PDZD7: variants seen among roughly 807,000 people sequenced by gnomAD.
PDZD7 encodes PDZ domain containing 7.
PDZD7 carries 72 observed loss-of-function variants against 84.7 expected under a neutral mutation model. That is an observed-to-expected ratio of 0.85 (90% CI 0.70 to 1.03). PDZD7 has a LOEUF of 1.03. Ranked by LOEUF, PDZD7 falls within the 50% of genes least tolerant of loss-of-function variation. The probability of loss-of-function intolerance (pLI) is 0.00; values close to 1 mark genes in which losing one functional copy is unlikely to be tolerated. For missense variants in PDZD7, 1,490 were observed against 1,412.9 expected (o/e 1.05, Z -0.87); for synonymous variants, 594 against 580.7 (o/e 1.02, Z -0.33).
intron 11 of PDZD7, among the ~76,000 whole-genome samples, chr10:101,015,021 A>G (rs1852549491): frequency 6.6e-6 from 1 of 152,212 alleles, no homozygotes; most frequent in South Asian, 2.1e-4. Context: ...GGTGGGCCCC[A>G]GAGACTCCTT....
Position 101,010,516 on chromosome 10 carries a change from A to T in PDZD7, c.2373T>A (p.Ser791=). Residue 791 remains serine (S), a synonymous_variant, in exon 15 of 17, where the codon TCT becomes TCA. Coordinates refer to ENST00000619208, the MANE Select transcript of PDZD7 (RefSeq NM_001195263.2). ...CCGGGGATGGGGAGCGTCTACCTGGAGACTTGCCTTGACCCCGGCTGCTGC... is the reference window on the plus strand; with the variant it reads ...CCGGGGATGGGGAGCGTCTACCTGGTGACTTGCCTTGACCCCGGCTGCTGC... ...RSRSSRGQGK[S]PGRRSPSPVP... 2 of 1,532,402 alleles carry T rather than the reference A, an allele frequency of 1.3e-6. No individual in the cohort carries two copies. Among genetic ancestry groups the T allele is most frequent in the Non-Finnish European group, 1.7e-6 (2 of 1,144,346 alleles). 94.9% of individuals were successfully genotyped at this position (1,532,402 alleles called of 1,614,324 possible). A position where few individuals can be genotyped will look rare whatever the true frequency, so the allele number is the denominator to read the frequency against.
chr10:101,025,874 G>T (rs904572384), intron 2 of PDZD7, among the ~76,000 whole-genome samples: 1 of 152,122 alleles, frequency 6.6e-6, no homozygotes, highest in East Asian at 1.9e-4. Context: ...AAGACAGATA[G>T]TAAGCCTCCC....
rs747577169 is a variant in PDZD7, at chr10:101,030,318, G to A, written c.-99C>T. 16 of 1,049,768 alleles carry A rather than the reference G, an allele frequency of 1.5e-5. No homozygotes were observed. The South Asian group carries it at 2.2e-4, about 14-fold the overall frequency. 65.0% of individuals were successfully genotyped at this position (1,049,768 alleles called of 1,614,324 possible). The stretch of plus-strand genomic sequence containing the variant: ...CTTCGAGCTCCATGAGCCTCTGTGC[G>A]GGGCTGGGGTCTCAGTAACGTGAAG... On this transcript the variant is annotated 5_prime_UTR_variant, in exon 2 of 17. Transcript: ENST00000619208.
chr10:101,012,632 A>G (rs1852438279), intron 11 of PDZD7, among the ~76,000 whole-genome samples: 1 of 152,326 alleles, frequency 6.6e-6, no homozygotes, highest in Admixed American at 6.5e-5. Flanking sequence ...CACACAGATA[A>G]GGAAGTGTGA....
At chr10:101,013,690 T>C (rs886641749) in intron 11 of PDZD7, among the ~76,000 whole-genome samples, 2 of 152,158 alleles carry the variant, frequency 1.3e-5, no homozygotes, top group Admixed American at 1.3e-4. Context: ...TATAAACCTA[T>C]GCGGCGGCCG....
chr10:101,027,836 TA>T (rs1463259758), intron 2 of PDZD7, among the ~76,000 whole-genome samples: 2 of 152,206 alleles, frequency 1.3e-5, no homozygotes, highest in Non-Finnish European at 2.9e-5. Flanking sequence ...ATTTGATAGG[TA>T]TTTTTTTTGA....
At position 101,030,396 on chromosome 10, in the gene PDZD7, G is replaced by A. The variant is rs1241019521; in HGVS notation, c.-165-12C>T. ...TGTGAGCTCCAGGCCTGGGCAGGGA[G>A]AGCAGGGATGAGGGAGGGGTGTAAA... On this transcript the variant is annotated splice_polypyrimidine_tract_variant and intron_variant, in intron 1 of 16. Transcript: ENST00000619208. 2.8e-6 allele frequency: 2 copies of A among 703,264 alleles called. No individual in the cohort carries two copies. The highest frequency in any genetic ancestry group is 5.2e-6 in the Non-Finnish European group (2 of 387,216). 43.6% of individuals were successfully genotyped at this position (703,264 alleles called of 1,614,324 possible).
intron 16 of PDZD7, 111 bp from the exon 17 acceptor site, chr10:101,008,961 A>C (rs1852304866): frequency 3.4e-5 from 43 of 1,279,522 alleles, no homozygotes; most frequent in Non-Finnish European, 4.3e-5. Context: ...CTCCTCCCCC[A>C]TCTGGGTGGA....
In PDZD7 at chr10:101,030,284, C is replaced by T. The variant is rs1045356655; in HGVS notation, c.-65G>A. 2 of 1,421,092 alleles carry T rather than the reference C, an allele frequency of 1.4e-6. No homozygotes were observed. The highest frequency in any genetic ancestry group is 1.4e-5 in the African/African-American group (1 of 71,166). The allele number at this position is 1,421,092 out of a possible 1,614,324, so 88.0% of individuals were successfully genotyped here. On this transcript the variant is annotated 5_prime_UTR_variant, in exon 2 of 17. Coordinates refer to ENST00000619208, the MANE Select transcript of PDZD7 (RefSeq NM_001195263.2). ...AATCTGCTAGCTCTGGAGAGGCCAG[C>T]CCTGCGTGCTTCGAGCTCCATGAGC...
chr10:101,022,356 A>T lies in PDZD7; in HGVS notation c.572T>A (p.Val191Glu), dbSNP rs118098246. 10,729 of 1,614,156 alleles carry T rather than the reference A, an allele frequency of 6.6e-3. 52 individuals carry two copies. The highest frequency in any genetic ancestry group is 8.6e-3 in the Non-Finnish European group (10,196 of 1,180,016). ...WVDVVNRRLV[V>E]EKCGSTPSDT... is the part of the protein sequence containing the mutation. ...GGAGGGTGTTGAACCGCACTTCTCC[A>T]CTACCAGGCGCCGATTCACCACATC... The change falls in exon 5 of 17, where the codon GTG becomes GAG. Residue 191 changes from valine (V) to glutamate (E), a missense_variant. Coordinates refer to ENST00000619208, the MANE Select transcript of PDZD7 (RefSeq NM_001195263.2).
chr10:101,017,218 C>T (rs1852667449), intron 9 of PDZD7: 1 of 179,748 alleles, frequency 5.6e-6, no homozygotes, highest in Admixed American at 6.0e-5. Flanking sequence ...GAAGCACTTT[C>T]CCCTGGGGTT....
chr10:101,018,407 A>G, intron 8 of PDZD7, 111 bp from the exon 9 acceptor site: 2 of 1,156,920 alleles, frequency 1.7e-6, no homozygotes, highest in Non-Finnish European at 2.5e-6. Flanking sequence ...GGCAGACAGG[A>G]TCTGCAGCTA....
chr10:101,016,829 G>A (rs990584571), intron 9 of PDZD7, among the ~76,000 whole-genome samples: 3 of 152,112 alleles, frequency 2.0e-5, no homozygotes, highest in African/African-American at 7.2e-5. Context: ...AGGGACTTGG[G>A]AACTGTGGGA....
In PDZD7 at chr10:101,009,236, C is replaced by T; in HGVS notation, c.2718+14G>A. ...TGTGCTCTGAGAGGGTGGGCCAGGG[C>T]ATGCTTCACCCACCTGCAGGGCCCC... is the stretch of plus-strand genomic sequence containing the variant. On this transcript the variant is annotated intron_variant, in intron 16 of 16. Transcript: ENST00000619208. 8 of 1,529,222 alleles carry T rather than the reference C, an allele frequency of 5.2e-6. No individual in the cohort carries two copies. The highest frequency in any genetic ancestry group is 7.0e-6 in the Non-Finnish European group (8 of 1,140,750). 94.7% of individuals were successfully genotyped at this position (1,529,222 alleles called of 1,614,324 possible). A position where few individuals can be genotyped will look rare whatever the true frequency, so the allele number is the denominator to read the frequency against.
At chr10:101,015,964 C>T (rs895326174) in intron 10 of PDZD7, among the ~76,000 whole-genome samples, 153 bp from the exon 11 acceptor site, 1 of 152,166 alleles carries the variant, frequency 6.6e-6, no homozygotes, top group Non-Finnish European at 1.5e-5. Flanking sequence ...AACCTGCCCA[C>T]CAATGCAGCA....
At chr10:101,016,464 C>T in intron 9 of PDZD7, 37 bp from the exon 10 acceptor site, 1 of 1,548,884 alleles carries the variant, frequency 6.5e-7, no homozygotes, top group Non-Finnish European at 8.7e-7. Context: ...CAGGCCTTGG[C>T]CCCCAGTCTG....
chr10:101,024,269 G>C (rs772533336), intron 2 of PDZD7, among the ~76,000 whole-genome samples: 3 of 152,148 alleles, frequency 2.0e-5, no homozygotes, highest in African/African-American at 4.8e-5. Context: ...AAAGAAACAG[G>C]GTCTTGCTCT....
Position 101,010,582 on chromosome 10 carries a change from C to T in PDZD7, c.2307G>A (p.Arg769=). 1 of 1,514,724 alleles carries T rather than the reference C, an allele frequency of 6.6e-7. No homozygotes were observed. The highest frequency in any genetic ancestry group is 1.4e-5 in the African/African-American group (1 of 72,648). The allele number at this position is 1,514,724 out of a possible 1,614,324, so 93.8% of individuals were successfully genotyped here. A position where few individuals can be genotyped will look rare whatever the true frequency, so the allele number is the denominator to read the frequency against. Residue 769 remains arginine, a synonymous_variant, in exon 15 of 17, where the codon CGG becomes CGA. Coordinates refer to ENST00000619208, the MANE Select transcript of PDZD7 (RefSeq NM_001195263.2). ...EHPPQSQIRG[R]AQSRSRSRSR... ...TACGGCTGCGGCTACGGCTCTGAGC[C>T]CGGCCCCGGATCTGGCTCTGCGGAG... is the stretch of plus-strand genomic sequence containing the variant.
chr10:101,016,355 G>C, intron 10 of PDZD7, 22 bp downstream of exon 10: 1 of 1,550,330 alleles, frequency 6.5e-7, no homozygotes, highest in Non-Finnish European at 8.7e-7. Flanking sequence ...ACTAGGCCTT[G>C]GTAAAGGGAT....
Sources: gnomAD v4.1 joint callset for allele counts (sites outside exome capture counted in the v4.1 genomes callset) on GRCh38, gnomAD v4.1.1 for gene constraint, MANE v1.5 for transcripts, NCBI Gene and HGNC (gene_info 2026-07-23, HGNC 2026-07-21) for gene names.